GOLGA4: variants seen among roughly 807,000 people sequenced by gnomAD.
The protein encoded by GOLGA4 is golgin A4, also known as golgin subfamily A member 4.
Under a neutral mutation model 265.9 loss-of-function variants are expected in GOLGA4, and 169 were observed. The observed-to-expected ratio is 0.64, with a 90% CI of 0.56 to 0.72. The LOEUF is 0.72. GOLGA4 is among the 30% of genes least tolerant of loss of function. GOLGA4 has a pLI of 0.00. For synonymous variants in GOLGA4, 923 were observed against 855.8 expected, an observed-to-expected ratio of 1.08 and a Z score of -1.37; for missense variants, 2,482 against 2,483.4, an observed-to-expected ratio of 1.00 and a Z score of 0.01.
chr3:37,283,671 G>T (rs1406024886), intron 3 of GOLGA4, among the ~76,000 whole-genome samples: 1 of 151,916 alleles, frequency 6.6e-6, no homozygotes, highest in Non-Finnish European at 1.5e-5. Flanking sequence ...GACTACAGGC[G>T]CACACCACCA....
chr3:37,257,647 T>C (rs1334699031), intron 2 of GOLGA4, among the ~76,000 whole-genome samples: 1 of 151,774 alleles, frequency 6.6e-6, no homozygotes. Context: ...TGTACTATTA[T>C]GTGGATTAGG....
chr3:37,345,349 C>T (rs2151033738), intron 20 of GOLGA4, among the ~76,000 whole-genome samples: 1 of 152,280 alleles, frequency 6.6e-6, no homozygotes, highest in East Asian at 1.9e-4. Context: ...TTTGAGGAAA[C>T]TCCAAGCAAG....
At chr3:37,281,873 T>G in intron 2 of GOLGA4, 85 bp from the exon 3 acceptor site, 1 of 919,744 alleles carries the variant, frequency 1.1e-6, no homozygotes, top group African/African-American at 1.7e-5. Flanking sequence ...GTTAGAACTT[T>G]TATTAGATTA....
chr3:37,245,176 C>T (rs899468872), intron 1 of GOLGA4: 3 of 152,600 alleles, frequency 2.0e-5, no homozygotes, highest in African/African-American at 7.2e-5. Context: ...GGTTATTATG[C>T]AGCCATAAAA....
At chr3:37,314,639 T>A (rs1386016939) in intron 10 of GOLGA4, among the ~76,000 whole-genome samples, 3 of 63,596 alleles carry the variant, frequency 4.7e-5, no homozygotes, top group African/African-American at 1.9e-4. Context: ...AGACTCCGTC[T>A]CAAACACACA....
chr3:37,271,600 A>G (rs1207020367), intron 2 of GOLGA4, among the ~76,000 whole-genome samples: 3 of 152,010 alleles, frequency 2.0e-5, no homozygotes, highest in African/African-American at 4.8e-5. Flanking sequence ...CTACCCCTAC[A>G]CTTCCCTGAC....
intron 20 of GOLGA4, among the ~76,000 whole-genome samples, chr3:37,345,197 G>A (rs11129757): frequency 0.3 from 45,469 of 152,050 alleles, 7,727 homozygotes; most frequent in Non-Finnish European, 0.39. Flanking sequence ...GTGACAGTGA[G>A]ACCCTGTCTC....
At chr3:37,316,886 A>AT (rs1453272261) in intron 11 of GOLGA4, among the ~76,000 whole-genome samples, 1 of 151,576 alleles carries the variant, frequency 6.6e-6, no homozygotes, top group Non-Finnish European at 1.5e-5. Context: ...TAAAAACCAC[A>AT]TGGACAATCC....
In GOLGA4 at chr3:37,323,913, T is replaced by C. The variant is rs746182214; in HGVS notation, c.2027T>C (p.Leu676Ser). Residue 676 changes from leucine (L) to serine (S), a missense_variant, in exon 14 of 24, where the codon TTA (leucine) becomes TCA (serine). Physicochemically the swap from Leu to Ser is moderately radical, Grantham distance 145. Around this residue, in one of 3 missense-constraint regions of GOLGA4, gnomAD observed 1,536 missense variants for 1,483.7 expected, o/e 1.04. Coordinates refer to ENST00000361924, the MANE Select transcript of GOLGA4 (RefSeq NM_002078.5). The part of the protein sequence containing the change: ...AHIEEMNEKT[L>S]EKLDVKQTEL... ...ATAGAAGAAATGAATGAAAAGACTT[T>C]AGAAAAGCTTGATGTGAAGCAAACA... 7 of 1,613,360 alleles carry C rather than the reference T, an allele frequency of 4.3e-6. No individual in the cohort carries two copies. Among genetic ancestry groups the C allele is most frequent in the African/African-American group, 4.0e-5 (3 of 75,004 alleles).
In GOLGA4 at chr3:37,345,313, G is replaced by T. The variant is rs2097052714; in HGVS notation, c.6473-1880G>T. 2.6e-5 allele frequency among the ~76,000 whole-genome samples: 4 copies of T among 152,142 alleles called. No homozygotes were observed. The South Asian group carries it at 8.3e-4, about 32-fold the overall frequency. On this transcript the variant is annotated intron_variant, in intron 20 of 23. Transcript: ENST00000361924. ...TGTAATATTTATTTTCTAACTAAAT[G>T]CATATTTTAAAGGCATTATGCATTA...
At chr3:37,353,855 A>C (rs2097082511) in intron 21 of GOLGA4, among the ~76,000 whole-genome samples, 1 of 152,058 alleles carries the variant, frequency 6.6e-6, no homozygotes. Flanking sequence ...AGTCTCCCAA[A>C]GTGTTGGGAT....
chr3:37,365,966 A>G (rs879397846), intron 23 of GOLGA4, 114 bp from the exon 24 acceptor site: 9 of 867,778 alleles, frequency 1.0e-5, no homozygotes, highest in African/African-American at 1.7e-5. Flanking sequence ...TCTCTAGACC[A>G]TGGAATAGAA....
chr3:37,293,971 A>G (rs1459787139), intron 5 of GOLGA4, among the ~76,000 whole-genome samples: 4 of 152,226 alleles, frequency 2.6e-5, no homozygotes, highest in African/African-American at 7.2e-5. Flanking sequence ...ATCCAAGTCT[A>G]TCTAAACATA....
chr3:37,338,954 C>T (rs1425773496), intron 19 of GOLGA4, among the ~76,000 whole-genome samples: 3 of 151,668 alleles, frequency 2.0e-5, no homozygotes, highest in African/African-American at 7.3e-5. Context: ...CTCCGCCTCC[C>T]GGATTCACAC....
rs527479551 is a variant in GOLGA4 at position 37,323,794 on chromosome 3, A to G, written c.1908A>G (p.Gln636=). 10 of 1,609,380 alleles carry G rather than the reference A, an allele frequency of 6.2e-6. 1 individual carries two copies. In the African/African-American group the frequency reaches 1.1e-4, roughly 17 times the overall value. The change falls in exon 14 of 24, where the codon CAA becomes CAG. Residue 636 remains glutamine, a synonymous_variant. Transcript: ENST00000361924. ...LWTEKLQVLK[Q]QYQTEMEKLR... ...CTGAAAAACTCCAAGTCTTAAAGCA[A>G]CAATATCAGACTGAAATGGAAAAAC...
Position 37,282,105 on chromosome 3 carries a change from C to T in GOLGA4, c.310C>T (p.Arg104Ter), listed in dbSNP as rs1182877151. 5 of 1,614,024 alleles carry T rather than the reference C, an allele frequency of 3.1e-6. No homozygotes were observed. Among genetic ancestry groups the T allele is most frequent in the Non-Finnish European group, 3.4e-6 (4 of 1,179,982 alleles). ...AACATCTTCCAGAGAATCCCTGAAT[C>T]GACTTGACCTGGACAGTTCTACTGC... ...VRTSSRESLN[R>*]LDLDSSTASF... The change falls in exon 3 of 24, where the codon CGA becomes TGA. Residue 104 changes from arginine (R) to a stop codon, truncating the protein, a stop_gained. Transcript: ENST00000361924. LOFTEE classifies it high-confidence loss of function.
At chr3:37,289,437 C>A (rs1484588701) in intron 5 of GOLGA4, 146 bp downstream of exon 5, 7 of 525,312 alleles carry the variant, frequency 1.3e-5, no homozygotes, top group Non-Finnish European at 2.4e-5. Context: ...GGGGTCAGTT[C>A]TTGAAGTTTT....
At chr3:37,302,706 C>T (rs1386968732) in intron 10 of GOLGA4, 1 of 192,806 alleles carries the variant, frequency 5.2e-6, no homozygotes, top group East Asian at 1.5e-4. Flanking sequence ...AATTGTAGAA[C>T]TTCCCAGTAG....
rs185532400 is a variant in GOLGA4 at position 37,332,729 on chromosome 3, C to T, written c.6193-2324C>T. On this transcript the variant is annotated intron_variant, in intron 16 of 23. Coordinates refer to ENST00000361924, the MANE Select transcript of GOLGA4 (RefSeq NM_002078.5). ...CGGCAACCATTAGTTTCTTATACTCCAGTGTTTCATTATGTAAACAAGCAA... is the reference window on the plus strand; with the variant it reads ...CGGCAACCATTAGTTTCTTATACTCTAGTGTTTCATTATGTAAACAAGCAA... 7.9e-5 allele frequency among the ~76,000 whole-genome samples: 12 copies of T among 152,100 alleles called. No homozygotes were observed. In the East Asian group the frequency reaches 2.1e-3, roughly 27 times the overall value.
Sources: allele counts gnomAD v4.1 joint callset (sites outside exome capture counted in the v4.1 genomes callset), GRCh38; gene constraint gnomAD v4.1.1; regional missense constraint gnomAD v4.1.1; transcripts MANE v1.5; gene names NCBI Gene and HGNC (gene_info 2026-07-23, HGNC 2026-07-21).